The following AFDN variants were observed in gnomAD, a reference collection of about 807,000 sequenced individuals.
The protein encoded by AFDN is afadin.
In AFDN, 68 loss-of-function variants were observed where a neutral mutation model predicts 216.6. The ratio of observed to expected loss-of-function variants is 0.31; its 90% CI spans 0.26 to 0.38. The LOEUF (loss-of-function observed/expected upper bound fraction) is 0.38, where lower values mean the gene tolerates loss of function less well. Ranked by LOEUF, AFDN falls within the 10% of genes least tolerant of loss-of-function variation. The pLI is 1.00. For synonymous variants in AFDN, 868 were observed against 853.7 expected, an observed-to-expected ratio of 1.02 and a Z score of -0.29; for missense variants, 2,136 against 2,342.0, an observed-to-expected ratio of 0.91 and a Z score of 1.82.
Position 167,875,482 on chromosome 6 carries a change from G to A in AFDN, c.726G>A (p.Gly242=), listed in dbSNP as rs1785250199. 1 of 1,613,542 alleles carries A rather than the reference G, an allele frequency of 6.2e-7. No individual in the cohort carries two copies. Among genetic ancestry groups the A allele is most frequent in the Admixed American group, 1.7e-5 (1 of 59,930 alleles). The stretch of plus-strand genomic sequence containing the variant: ...TGCAGGAATTTCGGAGCTCAGATGG[G>A]CGGCCTGATTCAGGTACAACTTGGT... ...KRMQEFRSSD[G]RPDSGGTLRI... is the part of the protein sequence containing the mutation. Residue 242 remains glycine (G), a synonymous_variant, in exon 5 of 34, where the codon GGG becomes GGA. Transcript: ENST00000683244.
intron 23 of AFDN, among the ~76,000 whole-genome samples, chr6:167,939,288 T>C (rs562831296): frequency 6.6e-6 from 1 of 152,352 alleles, no homozygotes; most frequent in Non-Finnish European, 1.5e-5. Context: ...GATAATGCCA[T>C]GTGAAAATGT....
Position 167,922,948 on chromosome 6 carries a change from A to AAC in AFDN, c.3005_3006dup (p.Glu1003GlnfsTer7). 6.2e-7 allele frequency: 1 copy of AAC among 1,609,398 alleles called. No individual in the cohort carries two copies. Among genetic ancestry groups the AAC allele is most frequent in the Non-Finnish European group, 8.5e-7 (1 of 1,176,014 alleles). ...TTATGAAAGTCACCTTCTGCGTGAG[A>AAC]ACACAGAGCTGGCAAGTATTTTGAG... On this transcript the variant is annotated frameshift_variant, in exon 22 of 34. Transcript: ENST00000683244. LOFTEE classifies it high-confidence loss of function.
Position 167,971,438 on chromosome 6 carries a change from T to TTA in AFDN, c.*1503_*1504insTA. 5.1e-6 allele frequency: 1 copy of TTA among 197,948 alleles called. No homozygotes were observed. The highest frequency in any genetic ancestry group is 8.0e-5 in the East Asian group (1 of 12,558). 12.3% of individuals were successfully genotyped at this position (197,948 alleles called of 1,614,324 possible). On this transcript the variant is annotated 3_prime_UTR_variant, in exon 34 of 34. Transcript: ENST00000683244. ...AAATGCGAGTGTAAATATTTTTTTT[T>TTA]ACCTCTATCAGGGTTTTTATTTGAA...
intron 8 of AFDN, among the ~76,000 whole-genome samples, chr6:167,891,685 C>T (rs1787635759): frequency 6.6e-6 from 1 of 152,068 alleles, no homozygotes; most frequent in African/African-American, 2.4e-5. Context: ...AAATGTTTTA[C>T]ACACACATTC....
At chr6:167,839,508 G>C (rs1780812903) in intron 1 of AFDN, among the ~76,000 whole-genome samples, 1 of 152,148 alleles carries the variant, frequency 6.6e-6, no homozygotes, top group Non-Finnish European at 1.5e-5. Context: ...CTTTGTCAGA[G>C]ATGAAGGAAT....
chr6:167,830,206 C>T (rs1260135400), intron 1 of AFDN, among the ~76,000 whole-genome samples: 1 of 152,178 alleles, frequency 6.6e-6, no homozygotes, highest in African/African-American at 2.4e-5. Context: ...GCAGCAGAGT[C>T]CTTTTAATCT....
At position 167,917,208 on chromosome 6, in the gene AFDN, A is replaced by G. The variant is rs771942632; in HGVS notation, c.2685A>G (p.Ala895=). The change falls in exon 20 of 34, where the codon GCA becomes GCG. Residue 895 remains alanine, a synonymous_variant. Coordinates refer to ENST00000683244, the MANE Select transcript of AFDN (RefSeq NM_001386888.1). ...LQALLQNYHC[A]PDEPFIPTDL... ...CCTTATTACAGAACTATCACTGTGC[A>G]CCTGATGAGCCTTTTATCCCAACGG... The G allele has an allele frequency of 6.2e-7, 1 of 1,606,368 alleles. No individual in the cohort carries two copies. The highest frequency in any genetic ancestry group is 8.5e-7 in the Non-Finnish European group (1 of 1,177,654).
chr6:167,944,563 C>G (rs1416871278), intron 26 of AFDN, among the ~76,000 whole-genome samples: 3 of 152,176 alleles, frequency 2.0e-5, no homozygotes, highest in Admixed American at 1.3e-4. Flanking sequence ...TGATCTCATT[C>G]TGTATACAGT....
chr6:167,829,297 TATTAA>T (rs1235275095), intron 1 of AFDN, among the ~76,000 whole-genome samples: 5 of 152,190 alleles, frequency 3.3e-5, no homozygotes, highest in Non-Finnish European at 5.9e-5. Context: ...TTTCCTGTAC[TATTAA>T]ATTTATTCTG....
At chr6:167,924,958 G>C in intron 22 of AFDN, 47 bp from the exon 23 acceptor site, 2 of 1,312,184 alleles carry the variant, frequency 1.5e-6, no homozygotes, top group Non-Finnish European at 2.2e-6. Context: ...CCATACAGAA[G>C]CACTTCCATT....
chr6:167,934,261 C>G (rs140268671), intron 23 of AFDN, among the ~76,000 whole-genome samples: 47 of 152,310 alleles, frequency 3.1e-4, no homozygotes, highest in African/African-American at 1.1e-3. Flanking sequence ...AAACCCAGAG[C>G]TGGAACTACA....
At chr6:167,927,753 T>C (rs1441596375) in intron 23 of AFDN, among the ~76,000 whole-genome samples, 1 of 152,172 alleles carries the variant, frequency 6.6e-6, no homozygotes, top group African/African-American at 2.4e-5. Context: ...AATTTCTGCT[T>C]ACTCCTGGTA....
rs765788179 is a variant in AFDN, at chr6:167,952,127, G to C, written c.4773G>C (p.Glu1591Asp). 2.7e-5 allele frequency: 43 copies of C among 1,614,022 alleles called. No homozygotes were observed. Among genetic ancestry groups the C allele is most frequent in the East Asian group, 4.5e-5 (2 of 44,880 alleles). ...KQKDEDDEEE[E>D]DDDVDTMLIM... ...AGGACGAAGATGACGAGGAGGAGGA[G>C]GACGATGATGTGGACACCATGCTGA... is the stretch of plus-strand genomic sequence containing the variant. The change falls in exon 30 of 34, where the codon GAG (glutamate) becomes GAC (aspartate). Residue 1591 changes from glutamate to aspartate, a missense_variant. This residue lies in a region of AFDN where 981 missense variants were observed against 966.0 expected (regional missense o/e 1.02). Transcript: ENST00000683244.
chr6:167,889,168 C>T (rs1787246689), intron 6 of AFDN, 47 bp from the exon 7 acceptor site: 1 of 1,279,436 alleles, frequency 7.8e-7, no homozygotes. Context: ...TACTTGTTAA[C>T]TTAGTTACTT....
intron 30 of AFDN, among the ~76,000 whole-genome samples, chr6:167,955,432 A>G (rs1415601573): frequency 6.6e-6 from 1 of 152,168 alleles, no homozygotes; most frequent in Non-Finnish European, 1.5e-5. Flanking sequence ...CAAAGATTTA[A>G]AAGTTATACA....
chr6:167,927,103 C>T (rs886536599), intron 23 of AFDN, among the ~76,000 whole-genome samples: 4 of 151,962 alleles, frequency 2.6e-5, no homozygotes, highest in East Asian at 1.9e-4. Context: ...CAAATGCCTA[C>T]GAAACAATAT....
rs960591063 is a variant in AFDN, at chr6:167,827,614, C to T, written c.105+377C>T. On this transcript the variant is annotated intron_variant, in intron 1 of 33. Transcript: ENST00000683244. ...GGCGCGGCGGCGCGCGGGGCCGGCG[C>T]CCTCCACCTGCAGCCCGGTTGTGGC... 6.0e-5 allele frequency: 9 copies of T among 149,666 alleles called. No homozygotes were observed. The East Asian group carries it at 1.6e-3, about 26-fold the overall frequency. The allele number at this position is 149,666 out of a possible 1,614,324, so 9.3% of individuals were successfully genotyped here.
At chr6:167,907,102 C>T in intron 12 of AFDN, 69 bp from the exon 13 acceptor site, 2 of 1,147,144 alleles carry the variant, frequency 1.7e-6, no homozygotes, top group Non-Finnish European at 1.3e-6. Flanking sequence ...TCTCTGCTTG[C>T]AACGCTGAGT....
At chr6:167,916,396 G>A (rs1791069541) in intron 19 of AFDN, among the ~76,000 whole-genome samples, 1 of 152,118 alleles carries the variant, frequency 6.6e-6, no homozygotes, top group Admixed American at 6.5e-5. Flanking sequence ...ACTCATAAGT[G>A]GTAACCAGTG....
Sources: gnomAD v4.1 joint callset for allele counts (sites outside exome capture counted in the v4.1 genomes callset) on GRCh38, gnomAD v4.1.1 for gene constraint, gnomAD v4.1.1 regional missense constraint, MANE v1.5 for transcripts, NCBI Gene and HGNC (gene_info 2026-07-23, HGNC 2026-07-21) for gene names.